The following E2F3 variants were observed in gnomAD, a reference collection of about 807,000 sequenced individuals.
E2F3 encodes transcription factor E2F3.
In E2F3, 11 loss-of-function variants were observed where a neutral mutation model predicts 44.4. The ratio of observed to expected loss-of-function variants is 0.25; its 90% CI spans 0.16 to 0.41. The LOEUF is 0.41. Ranked by LOEUF, E2F3 falls within the 10% of genes least tolerant of loss-of-function variation. E2F3 has a pLI of 1.00. For synonymous variants in E2F3, 249 were observed against 253.0 expected (o/e 0.98, Z 0.15); for missense variants, 487 against 583.6 (o/e 0.83, Z 1.70).
chr6:20,449,772 C>A (rs1003722852), intron 1 of E2F3, among the ~76,000 whole-genome samples: 19 of 152,178 alleles, frequency 1.2e-4, no homozygotes, highest in African/African-American at 4.6e-4. Flanking sequence ...TCCCTCCTCC[C>A]ACTCTCCACC....
Position 20,490,677 on chromosome 6 carries a change from T to C in E2F3, c.*247T>C. 3.1e-6 allele frequency: 1 copy of C among 327,122 alleles called. No homozygotes were observed. The highest frequency in any genetic ancestry group is 5.5e-6 in the Non-Finnish European group (1 of 182,892). 20.3% of individuals were successfully genotyped at this position (327,122 alleles called of 1,614,324 possible). On this transcript the variant is annotated 3_prime_UTR_variant, in exon 7 of 7. Coordinates refer to ENST00000346618, the MANE Select transcript of E2F3 (RefSeq NM_001949.5). The surrounding 1 kb of genome is among the most constrained non-coding windows in gnomAD (Gnocchi z 4.3). ...CTTTGCTCCAGGCTCCAAGATCTCC[T>C]GGCTAAGTCAGCAAGTGAGAAAATG...
intron 1 of E2F3, among the ~76,000 whole-genome samples, chr6:20,406,495 G>A (rs1290942390): frequency 6.6e-6 from 1 of 152,150 alleles, no homozygotes; most frequent in Non-Finnish European, 1.5e-5. Context: ...CATATATGAA[G>A]AGAACTGTTA....
chr6:20,414,887 T>C (rs1044252426), intron 1 of E2F3, among the ~76,000 whole-genome samples: 10 of 152,216 alleles, frequency 6.6e-5, no homozygotes, highest in African/African-American at 2.4e-4. Context: ...CCAATTACCG[T>C]GTGTGACCTT....
intron 1 of E2F3, among the ~76,000 whole-genome samples, chr6:20,416,887 G>A (rs1314414173): frequency 6.6e-6 from 1 of 152,090 alleles, no homozygotes; most frequent in African/African-American, 2.4e-5. Context: ...TCTCTTTCCT[G>A]GGCCTGGCCA....
In E2F3 at chr6:20,493,225, T is replaced by C; in HGVS notation, c.*2795T>C. 1 of 227,076 alleles carries C rather than the reference T, an allele frequency of 4.4e-6. No homozygotes were observed. Among genetic ancestry groups the C allele is most frequent in the Non-Finnish European group, 8.8e-6 (1 of 113,788 alleles). 14.1% of individuals were successfully genotyped at this position (227,076 alleles called of 1,614,324 possible). Reference sequence around the variant, plus strand: ...GAGTGTTATTTTGTTTTTGTTTTTCTGTTCTTTGTTGTGGCTCTTGTTTTC... The same window carrying C: ...GAGTGTTATTTTGTTTTTGTTTTTCCGTTCTTTGTTGTGGCTCTTGTTTTC... On this transcript the variant is annotated 3_prime_UTR_variant, in exon 7 of 7. Transcript: ENST00000346618.
At chr6:20,407,474 G>A (rs550813198) in intron 1 of E2F3, among the ~76,000 whole-genome samples, 1 of 152,316 alleles carries the variant, frequency 6.6e-6, no homozygotes, top group South Asian at 2.1e-4. Flanking sequence ...ATGTTATACT[G>A]TGTAAAGCTA....
At chr6:20,480,055 G>T in intron 2 of E2F3, 98 bp downstream of exon 2, 1 of 1,465,776 alleles carries the variant, frequency 6.8e-7, no homozygotes, top group East Asian at 2.5e-5. Context: ...GAATAATTCT[G>T]GCATGTTTTG....
intron 1 of E2F3, among the ~76,000 whole-genome samples, chr6:20,459,459 AT>A (rs1433549282): frequency 2.6e-5 from 4 of 152,240 alleles, no homozygotes; most frequent in Non-Finnish European, 5.9e-5. Flanking sequence ...TTACCACTAT[AT>A]TATGTTTAAA....
intron 1 of E2F3, among the ~76,000 whole-genome samples, chr6:20,454,886 G>A (rs1240679498): frequency 6.6e-6 from 1 of 152,114 alleles, no homozygotes; most frequent in East Asian, 1.9e-4. Context: ...AGTTTTTCTG[G>A]ACATTAGACT....
At chr6:20,479,736 G>T in intron 1 of E2F3, 110 bp from the exon 2 acceptor site, 1 of 834,332 alleles carries the variant, frequency 1.2e-6, no homozygotes, top group Non-Finnish European at 1.9e-6. Context: ...GAGCAGAGGG[G>T]TGAGAGCTGG....
In E2F3 at chr6:20,493,516, G is replaced by A. The variant is rs576255311; in HGVS notation, c.*3086G>A. 43 of 218,064 alleles carry A rather than the reference G, an allele frequency of 2.0e-4. No homozygotes were observed. Among genetic ancestry groups the A allele is most frequent in the African/African-American group, 9.0e-4 (40 of 44,494 alleles). The allele number at this position is 218,064 out of a possible 1,614,324, so 13.5% of individuals were successfully genotyped here. On this transcript the variant is annotated 3_prime_UTR_variant, in exon 7 of 7. Coordinates refer to ENST00000346618, the MANE Select transcript of E2F3 (RefSeq NM_001949.5). ...GCAAACTACTAATCAGTTTAGCTTT[G>A]TGTTGTATGCTAGTTTAAAAAAGAA...
At chr6:20,482,342 G>GTTTTTTTTTTTTT (rs71734781) in intron 3 of E2F3, among the ~76,000 whole-genome samples, 2 of 130,152 alleles carry the variant, frequency 1.5e-5, no homozygotes, top group African/African-American at 2.8e-5. Flanking sequence ...TTGTTTTTTT[G>GTTTTTTTTTTTTT]TTTTTTTTTT....
chr6:20,462,197 C>T (rs993782222), intron 1 of E2F3, among the ~76,000 whole-genome samples: 2 of 152,170 alleles, frequency 1.3e-5, no homozygotes, highest in African/African-American at 4.8e-5. Flanking sequence ...ACAGATAGCA[C>T]GTGTGATTTG....
intron 1 of E2F3, among the ~76,000 whole-genome samples, chr6:20,415,762 A>C (rs1179911962): frequency 6.6e-6 from 1 of 151,924 alleles, no homozygotes; most frequent in Non-Finnish European, 1.5e-5. Context: ...CACTGCCCCT[A>C]CTCTTGGTAG....
rs181634838 is a variant in E2F3 at position 20,488,049 on chromosome 6, A to G, written c.1000-64A>G. 13 of 1,593,796 alleles carry G rather than the reference A, an allele frequency of 8.2e-6. No individual in the cohort carries two copies. The Admixed American group carries it at 2.0e-4, about 24-fold the overall frequency. On this transcript the variant is annotated intron_variant, in intron 5 of 6. Transcript: ENST00000346618. ...TTCTTACTTTCCATTTTTAGACAAG[A>G]ATTACTATGGCTTTTATTTCTAAAA...
chr6:20,447,864 G>A (rs763415430), intron 1 of E2F3, among the ~76,000 whole-genome samples: 4 of 152,168 alleles, frequency 2.6e-5, no homozygotes, highest in South Asian at 2.1e-4. Flanking sequence ...AGATGTTTGC[G>A]AGACTTCAGG....
At chr6:20,436,805 T>G (rs1024984481) in intron 1 of E2F3, among the ~76,000 whole-genome samples, 9 of 151,974 alleles carry the variant, frequency 5.9e-5, no homozygotes, top group South Asian at 2.1e-4. Context: ...ATTTAGAGAG[T>G]GGGGAACATC....
At position 20,487,510 on chromosome 6, in the gene E2F3, A is replaced by G. The variant is rs1762429020; in HGVS notation, c.1000-603A>G. ...TTCCTAGCACTTAAGAATACTATTCATCAGTATACAGTTCAACATGAAAAA... is the reference window on the plus strand; with the variant it reads ...TTCCTAGCACTTAAGAATACTATTCGTCAGTATACAGTTCAACATGAAAAA... On this transcript the variant is annotated intron_variant, in intron 5 of 6. Coordinates refer to ENST00000346618, the MANE Select transcript of E2F3 (RefSeq NM_001949.5). Among the ~76,000 whole-genome samples the G allele has an allele frequency of 2.0e-5, 3 of 152,228 alleles. No individual in the cohort carries two copies. In the South Asian group the frequency reaches 6.2e-4, roughly 32 times the overall value.
At position 20,491,559 on chromosome 6, in the gene E2F3, C is replaced by T. The variant is rs756498022; in HGVS notation, c.*1129C>T. 3 of 210,552 alleles carry T rather than the reference C, an allele frequency of 1.4e-5. No individual in the cohort carries two copies. The highest frequency in any genetic ancestry group is 2.9e-5 in the Non-Finnish European group (3 of 103,312). The allele number at this position is 210,552 out of a possible 1,614,324, so 13.0% of individuals were successfully genotyped here. ...CAAGGAGCAGCAGGCATGGGTCCCT[C>T]CATCCTTGGGCTTCCCGGGCCCCTG... On this transcript the variant is annotated 3_prime_UTR_variant, in exon 7 of 7. Transcript: ENST00000346618.
Sources: gnomAD v4.1 joint callset for allele counts (sites outside exome capture counted in the v4.1 genomes callset) on GRCh38, gnomAD v4.1.1 for gene constraint, Gnocchi (gnomAD v3.1) non-coding constraint, MANE v1.5 for transcripts, NCBI Gene and HGNC (gene_info 2026-07-23, HGNC 2026-07-21) for gene names.